KIF1B: variants seen among roughly 807,000 people sequenced by gnomAD.
KIF1B encodes the protein kinesin-like protein KIF1B.
A neutral mutation model predicts 241.9 loss-of-function variants in KIF1B; 76 were observed. That is an observed-to-expected ratio of 0.31 (90% CI 0.26 to 0.38). The LOEUF is 0.38. Among genes scored for constraint, KIF1B ranks in the 10% least tolerant of loss-of-function variants. KIF1B has a pLI of 1.00. For synonymous variants in KIF1B, 750 were observed against 796.7 expected, an observed-to-expected ratio of 0.94 and a Z score of 0.99; for missense variants, 1,622 against 2,271.4, an observed-to-expected ratio of 0.71 and a Z score of 5.81.
rs118006296 is a variant in KIF1B at position 10,212,313 on chromosome 1, A to G, written c.-80+1435A>G. On this transcript the variant is annotated intron_variant, in intron 1 of 48. Coordinates refer to ENST00000676179, the MANE Select transcript of KIF1B (RefSeq NM_001365951.3). ...GAAGTGAGGTGGTGCTTTCTGATTA[A>G]GTTGATATGGTTGCTGGATTATAGA... is the stretch of plus-strand genomic sequence containing the variant. 5.4e-4 allele frequency among the ~76,000 whole-genome samples: 83 copies of G among 152,306 alleles called. 6 individuals are homozygous for G. The East Asian group carries it at 0.015, about 28-fold the overall frequency.
chr1:10,340,452 C>T (rs1355896351), intron 32 of KIF1B, among the ~76,000 whole-genome samples: 1 of 152,192 alleles, frequency 6.6e-6, no homozygotes, highest in Non-Finnish European at 1.5e-5. Context: ...TTGTGTTAGT[C>T]ACTGTTCTGA....
At chr1:10,247,952 A>G (rs1647256998) in intron 2 of KIF1B, among the ~76,000 whole-genome samples, 2 of 152,142 alleles carry the variant, frequency 1.3e-5, no homozygotes, top group African/African-American at 4.8e-5. Flanking sequence ...AGTTCACAAT[A>G]GGATTCATGC....
intron 7 of KIF1B, among the ~76,000 whole-genome samples, chr1:10,269,765 C>G (rs756228795): frequency 1.6e-4 from 24 of 152,186 alleles, no homozygotes; most frequent in Admixed American, 1.4e-3. Flanking sequence ...TTGCAGTTGG[C>G]TGAGGTTGCG....
At chr1:10,212,091 T>C (rs1646701046) in intron 1 of KIF1B, among the ~76,000 whole-genome samples, 2 of 152,222 alleles carry the variant, frequency 1.3e-5, no homozygotes, top group South Asian at 4.1e-4. Context: ...TATCTCTTAC[T>C]GCTCTGAGCA....
At chr1:10,305,314 ATATG>A (rs1285184472) in intron 22 of KIF1B, 15 of 1,046,556 alleles carry the variant, frequency 1.4e-5, no homozygotes, top group Non-Finnish European at 9.2e-6. Flanking sequence ...ATGTATCAGA[ATATG>A]TATGAAATTT....
chr1:10,253,911 AAG>A (rs1409890229), intron 2 of KIF1B, among the ~76,000 whole-genome samples: 1 of 152,242 alleles, frequency 6.6e-6, no homozygotes, highest in Non-Finnish European at 1.5e-5. Context: ...GGAATCCAGC[AAG>A]AGAGAGAACT....
In KIF1B at chr1:10,375,321, G is replaced by T; in HGVS notation, c.5356G>T (p.Asp1786Tyr). Residue 1786 changes from aspartate to tyrosine, a missense_variant, in exon 48 of 49, where the codon GAC becomes TAC. Around this residue, in one of 7 missense-constraint regions of KIF1B, gnomAD observed 357 missense variants for 409.0 expected, o/e 0.87. Coordinates refer to ENST00000676179, the MANE Select transcript of KIF1B (RefSeq NM_001365951.3). The part of the protein sequence containing the change: ...GVLLQALNDK[D>Y]MNDWLYAFNP... ...CCTTTTGCAGGCCCTCAATGACAAA[G>T]ACATGAACGACTGGTTGTATGCCTT... is the stretch of plus-strand genomic sequence containing the variant. 1 of 1,613,514 alleles carries T rather than the reference G, an allele frequency of 6.2e-7. No homozygotes were observed. Among genetic ancestry groups the T allele is most frequent in the Non-Finnish European group, 8.5e-7 (1 of 1,179,816 alleles).
chr1:10,329,477 G>T (rs544145588), intron 27 of KIF1B, among the ~76,000 whole-genome samples: 1 of 152,228 alleles, frequency 6.6e-6, no homozygotes, highest in Admixed American at 6.5e-5. Flanking sequence ...GCTCACTCCC[G>T]TAATCCCAGC....
At chr1:10,282,253 C>G in intron 14 of KIF1B, 69 bp from the exon 15 acceptor site, 1 of 1,265,932 alleles carries the variant, frequency 7.9e-7, no homozygotes, top group Non-Finnish European at 1.1e-6. Flanking sequence ...TCCTTCCTGT[C>G]TTTTTTTCTT....
intron 2 of KIF1B, among the ~76,000 whole-genome samples, chr1:10,237,407 G>A (rs1399714067): frequency 6.6e-6 from 1 of 152,134 alleles, no homozygotes; most frequent in Non-Finnish European, 1.5e-5. Flanking sequence ...GATAAAATTG[G>A]TTTTCACTTA....
intron 16 of KIF1B, 143 bp from the exon 17 acceptor site, chr1:10,291,904 A>G: frequency 2.9e-6 from 2 of 701,380 alleles, no homozygotes; most frequent in South Asian, 1.6e-5. Flanking sequence ...ATGATGAGAT[A>G]AGCACATTAT....
At chr1:10,320,000 T>C (rs1361024512) in intron 22 of KIF1B, 43 bp from the exon 23 acceptor site, 1 of 1,327,784 alleles carries the variant, frequency 7.5e-7, no homozygotes, top group Non-Finnish European at 1.1e-6. Flanking sequence ...TGCCCTCTTA[T>C]TTCTTCCCTC....
chr1:10,337,614 G>A lies in KIF1B; in HGVS notation c.3422+81G>A, dbSNP rs1652228269. 6.9e-7 allele frequency: 1 copy of A among 1,446,400 alleles called. No individual in the cohort carries two copies. Among genetic ancestry groups the A allele is most frequent in the Admixed American group, 1.7e-5 (1 of 59,178 alleles). 89.6% of individuals were successfully genotyped at this position (1,446,400 alleles called of 1,614,324 possible). On this transcript the variant is annotated intron_variant, in intron 31 of 48. Coordinates refer to ENST00000676179, the MANE Select transcript of KIF1B (RefSeq NM_001365951.3). The surrounding 1 kb of genome is among the most constrained non-coding windows in gnomAD (Gnocchi z 4.0). ...TTGTGCACTGTAGAGTGCTTTACATGTGTGAGGGATTAACACTCTTGAGAC... is the reference window on the plus strand; with the variant it reads ...TTGTGCACTGTAGAGTGCTTTACATATGTGAGGGATTAACACTCTTGAGAC...
At chr1:10,375,467 C>T (rs1409159153) in intron 48 of KIF1B, 94 bp downstream of exon 48, 18 of 972,616 alleles carry the variant, frequency 1.9e-5, no homozygotes, top group Middle Eastern at 3.1e-4. Flanking sequence ...TCACTGCAAC[C>T]TCCGCCCCCT....
chr1:10,368,368 G>T, intron 43 of KIF1B, 99 bp from the exon 44 acceptor site: 1 of 917,630 alleles, frequency 1.1e-6, no homozygotes, highest in South Asian at 1.3e-5. Context: ...CCCTCCCCGG[G>T]AACTCAGCCC....
At chr1:10,310,211 G>A (rs529641844) in intron 22 of KIF1B, among the ~76,000 whole-genome samples, 32 of 151,688 alleles carry the variant, frequency 2.1e-4, no homozygotes, top group Admixed American at 1.1e-3. Context: ...ATGTCAGTTA[G>A]AATTTTGGGG....
At chr1:10,363,204 A>C (rs1029562979) in intron 40 of KIF1B, 79 bp from the exon 41 acceptor site, 2 of 1,066,230 alleles carry the variant, frequency 1.9e-6, no homozygotes, top group South Asian at 2.5e-5. Context: ...AGAAGACACT[A>C]TTTTAAGTAG....
chr1:10,262,750 T>G lies in KIF1B; in HGVS notation c.429+780T>G, dbSNP rs1176391346. 3.9e-5 allele frequency among the ~76,000 whole-genome samples: 6 copies of G among 152,370 alleles called. No individual in the cohort carries two copies. In the East Asian group the frequency reaches 1.2e-3, roughly 29 times the overall value. Reference sequence around the variant, plus strand: ...ATTATGCATATGCCTGTTTACATTTTGGGTTCACAATGTCTTTCTGATTCA... The same window carrying G: ...ATTATGCATATGCCTGTTTACATTTGGGGTTCACAATGTCTTTCTGATTCA... On this transcript the variant is annotated intron_variant, in intron 5 of 48. Transcript: ENST00000676179.
At chr1:10,292,804 A>G (rs1650066597) in intron 17 of KIF1B, among the ~76,000 whole-genome samples, 1 of 152,236 alleles carries the variant, frequency 6.6e-6, no homozygotes, top group Non-Finnish European at 1.5e-5. Flanking sequence ...AATGACTATC[A>G]AATGGTTATT....
Sources: gnomAD v4.1 joint callset for allele counts (sites outside exome capture counted in the v4.1 genomes callset) on GRCh38, gnomAD v4.1.1 for gene constraint, gnomAD v4.1.1 regional missense constraint, Gnocchi (gnomAD v3.1) non-coding constraint, MANE v1.5 for transcripts, NCBI Gene and HGNC (gene_info 2026-07-23, HGNC 2026-07-21) for gene names.